Variants in SYNE1 observed in about 807,000 individuals in gnomAD.
SYNE1 encodes spectrin repeat containing nuclear envelope protein 1.
Under a neutral mutation model 1,111.0 loss-of-function variants are expected in SYNE1, and 616 were observed. The ratio of observed to expected loss-of-function variants is 0.55; its 90% CI spans 0.52 to 0.59. SYNE1 has a LOEUF of 0.59. Ranked by LOEUF, SYNE1 falls within the 20% of genes least tolerant of loss-of-function variation. The pLI is 0.00. For synonymous variants in SYNE1, 3,855 were observed against 3,825.8 expected (o/e 1.01, Z -0.28); for missense variants, 10,006 against 10,417.0 (o/e 0.96, Z 1.72).
At chr6:152,636,152 TG>T (rs1010923119) in intron 2 of SYNE1, among the ~76,000 whole-genome samples, 1 of 152,172 alleles carries the variant, frequency 6.6e-6, no homozygotes, top group African/African-American at 2.4e-5. Context: ...ACAGCGCCGC[TG>T]GAGTCTGACG....
intron 3 of SYNE1, among the ~76,000 whole-genome samples, chr6:152,566,671 C>T (rs961468822): frequency 3.3e-5 from 5 of 152,074 alleles, no homozygotes; most frequent in Non-Finnish European, 7.4e-5. Flanking sequence ...GGAAGAGAAA[C>T]CACAGATGCA....
intron 2 of SYNE1, among the ~76,000 whole-genome samples, chr6:152,633,035 C>T (rs2099700549): frequency 6.6e-6 from 1 of 152,192 alleles, no homozygotes; most frequent in African/African-American, 2.4e-5. Flanking sequence ...GACTGTTTAC[C>T]TAGCAGTGTT....
At chr6:152,446,108 ATTTT>A (rs11351100) in intron 29 of SYNE1, among the ~76,000 whole-genome samples, 4 of 129,488 alleles carry the variant, frequency 3.1e-5, no homozygotes, top group Non-Finnish European at 4.9e-5. Flanking sequence ...AAGACAGTCA[ATTTT>A]TTTTTTTTTT....
At chr6:152,565,639 C>T (rs577348781) in intron 3 of SYNE1, among the ~76,000 whole-genome samples, 1 of 151,688 alleles carries the variant, frequency 6.6e-6, no homozygotes, top group South Asian at 2.1e-4. Context: ...TAAAATCTTC[C>T]CTTATTCAGA....
chr6:152,300,669 ACAGGTGAAGGGGAGCGACAGG>A lies in SYNE1; in HGVS notation c.17633_17653del (p.Ala5878_Pro5884del). ...GTTAACAGAAGCATCTGTATTAGCC[ACAGGTGAAGGGGAGCGACAGG>A]CAGGTGGAGAGGAAATCTCACTGTT... On this transcript the variant is annotated inframe_deletion, in exon 93 of 146. Transcript: ENST00000367255. 1 of 1,614,212 alleles carries A rather than the reference ACAGGTGAAGGGGAGCGACAGG, an allele frequency of 6.2e-7. No homozygotes were observed. The highest frequency in any genetic ancestry group is 8.5e-7 in the Non-Finnish European group (1 of 1,180,034).
At chr6:152,159,336 A>C (rs956305243) in intron 131 of SYNE1, among the ~76,000 whole-genome samples, 16 of 152,208 alleles carry the variant, frequency 1.1e-4, no homozygotes, top group African/African-American at 3.9e-4. Context: ...AAGGGTTCAA[A>C]TAGTTATGGC....
intron 7 of SYNE1, among the ~76,000 whole-genome samples, chr6:152,510,630 C>CA (rs369689688): frequency 1.0e-3 from 159 of 152,198 alleles, no homozygotes; most frequent in African/African-American, 3.7e-3. Context: ...ATGGTTAGAA[C>CA]AATTATTCTG....
chr6:152,180,044 A>G, intron 129 of SYNE1, 92 bp downstream of exon 129: 6 of 1,319,798 alleles, frequency 4.5e-6, no homozygotes, highest in Admixed American at 1.7e-5. Context: ...TTGACAGGAA[A>G]GTAATTGTGA....
chr6:152,527,846 G>A (rs1490836230), intron 4 of SYNE1, among the ~76,000 whole-genome samples: 1 of 152,124 alleles, frequency 6.6e-6, no homozygotes, highest in African/African-American at 2.4e-5. Context: ...AAAATACACA[G>A]GTGTCTGCCA....
At chr6:152,550,008 G>A (rs2099331936) in intron 3 of SYNE1, among the ~76,000 whole-genome samples, 1 of 152,074 alleles carries the variant, frequency 6.6e-6, no homozygotes, top group Non-Finnish European at 1.5e-5. Context: ...TGACATTTAG[G>A]CAAGATGATT....
rs1286804203 is a variant in SYNE1, at chr6:152,488,279, C to T, written c.1047+117G>A. 2.7e-5 allele frequency: 17 copies of T among 626,796 alleles called. 1 individual carries two copies. Among genetic ancestry groups the T allele is most frequent in the Non-Finnish European group, 4.2e-5 (15 of 357,186 alleles). 38.8% of individuals were successfully genotyped at this position (626,796 alleles called of 1,614,324 possible). A position where few individuals can be genotyped will look rare whatever the true frequency, so the allele number is the denominator to read the frequency against. On this transcript the variant is annotated intron_variant, in intron 12 of 145. Coordinates refer to ENST00000367255, the MANE Select transcript of SYNE1 (RefSeq NM_182961.4). Reference sequence around the variant, plus strand: ...AAACTTAGGGTAATGAATGTTATGTCTTTAAAGACTTTTCTCATTAATGTA... The same window carrying T: ...AAACTTAGGGTAATGAATGTTATGTTTTTAAAGACTTTTCTCATTAATGTA...
intron 33 of SYNE1, 150 bp from the exon 34 acceptor site, chr6:152,434,095 A>G (rs1401235337): frequency 3.0e-6 from 2 of 674,586 alleles, no homozygotes; most frequent in Non-Finnish European, 5.0e-6. Context: ...AAAATTGCAC[A>G]GTTGTTCTGA....
In SYNE1 at chr6:152,255,749, G is replaced by A; in HGVS notation, c.19105-3C>T. On this transcript the variant is annotated splice_region_variant and splice_polypyrimidine_tract_variant and intron_variant, in intron 102 of 145. Transcript: ENST00000367255. ...CTCTGCCTCTTTGCCCCTCCACTCT[G>A]GGAAACACAAAACAGGGTCAAATAA... The A allele has an allele frequency of 1.2e-6, 2 of 1,614,132 alleles. No individual in the cohort carries two copies. The highest frequency in any genetic ancestry group is 1.7e-6 in the Non-Finnish European group (2 of 1,180,016).
At chr6:152,510,060 A>G (rs2099077197) in intron 8 of SYNE1, 133 bp downstream of exon 8, 11 of 905,154 alleles carry the variant, frequency 1.2e-5, no homozygotes, top group Non-Finnish European at 2.0e-5. Flanking sequence ...TCAAGGCAAG[A>G]GTGAAATAAG....
intron 8 of SYNE1, among the ~76,000 whole-genome samples, chr6:152,505,649 T>TA (rs2099053923): frequency 6.6e-6 from 1 of 152,254 alleles, no homozygotes; most frequent in Non-Finnish European, 1.5e-5. Context: ...AGTTAAAGCG[T>TA]ATTTTTACAT....
chr6:152,540,468 T>C (rs944874626), intron 3 of SYNE1, among the ~76,000 whole-genome samples: 10 of 152,150 alleles, frequency 6.6e-5, no homozygotes, highest in Non-Finnish European at 1.3e-4. Context: ...TACACAGTAA[T>C]GCAATAAGAT....
chr6:152,350,372 G>A, intron 71 of SYNE1, 37 bp from the exon 72 acceptor site: 1 of 1,613,672 alleles, frequency 6.2e-7, no homozygotes, highest in Non-Finnish European at 8.5e-7. Flanking sequence ...TGACTTTCAA[G>A]TGAAAAACCT....
At chr6:152,226,293 C>T (rs1390104055) in intron 115 of SYNE1, among the ~76,000 whole-genome samples, 1 of 145,086 alleles carries the variant, frequency 6.9e-6, no homozygotes, top group African/African-American at 2.5e-5. Context: ...GCCCTAGTAT[C>T]TGAGATTTAG....
chr6:152,417,745 A>C (rs1193303840), intron 40 of SYNE1, among the ~76,000 whole-genome samples: 2 of 152,128 alleles, frequency 1.3e-5, no homozygotes. Flanking sequence ...CAACTTTAAA[A>C]ATTTTAAATT....
Sources: gnomAD v4.1 joint callset for allele counts (sites outside exome capture counted in the v4.1 genomes callset) on GRCh38, gnomAD v4.1.1 for gene constraint, MANE v1.5 for transcripts, NCBI Gene and HGNC (gene_info 2026-07-23, HGNC 2026-07-21) for gene names.